The following FASTKD2 variants were observed in gnomAD, a reference collection of about 807,000 sequenced individuals.
The protein encoded by FASTKD2 is FAST kinase domain-containing protein 2, mitochondrial.
In FASTKD2, 51 loss-of-function variants were observed where a neutral mutation model predicts 63.6. That is an observed-to-expected ratio of 0.80 (90% CI 0.64 to 1.01). The LOEUF (loss-of-function observed/expected upper bound fraction) is 1.01, where lower values mean the gene tolerates loss of function less well. Among genes scored for constraint, FASTKD2 ranks in the 50% least tolerant of loss-of-function variants. The pLI is 0.00. For missense variants in FASTKD2, 786 were observed against 831.1 expected, an observed-to-expected ratio of 0.95 and a Z score of 0.67; for synonymous variants, 284 against 293.4, an observed-to-expected ratio of 0.97 and a Z score of 0.33.
rs780966510 is a variant in FASTKD2 at position 206,774,222 on chromosome 2, A to C, written c.1255-3A>C. The C allele has an allele frequency of 3.7e-6, 6 of 1,601,600 alleles. No individual in the cohort carries two copies. In the East Asian group the frequency reaches 1.3e-4, roughly 36 times the overall value. On this transcript the variant is annotated splice_polypyrimidine_tract_variant and splice_region_variant and intron_variant, in intron 6 of 11. Transcript: ENST00000402774. The stretch of plus-strand genomic sequence containing the variant: ...AGTTTTCCCTCAATTTTCTCTTTTT[A>C]AGGTTCTTTTTATCCTCATTTTATT...
chr2:206,782,740 T>C (rs536822779), intron 7 of FASTKD2, among the ~76,000 whole-genome samples: 1 of 152,364 alleles, frequency 6.6e-6, no homozygotes, highest in East Asian at 1.9e-4. Context: ...GCTTGACTTT[T>C]GGCAAATTAC....
rs535825425 is a variant in FASTKD2, at chr2:206,777,792, G to A, written c.1427+3395G>A. On this transcript the variant is annotated intron_variant, in intron 7 of 11. Coordinates refer to ENST00000402774, the MANE Select transcript of FASTKD2 (RefSeq NM_001136193.2). The stretch of plus-strand genomic sequence containing the variant: ...CTATCTAGTCCTGGCCTTTTTCATT[G>A]TTGGGAAGTTTTTGATTACTGATTA... Among the ~76,000 whole-genome samples the A allele has an allele frequency of 2.3e-3, 348 of 152,250 alleles. 2 individuals are homozygous for A. Among genetic ancestry groups the A allele is most frequent in the African/African-American group, 7.9e-3 (328 of 41,550 alleles).
chr2:206,773,205 C>G (rs942325289), intron 6 of FASTKD2, among the ~76,000 whole-genome samples: 1 of 150,154 alleles, frequency 6.7e-6, no homozygotes, highest in Admixed American at 6.7e-5. Context: ...ATCCCAGCTA[C>G]TAGGGGGGCT....
At chr2:206,772,414 G>A in intron 6 of FASTKD2, 94 bp downstream of exon 6, 1 of 1,228,622 alleles carries the variant, frequency 8.1e-7, no homozygotes. Context: ...CTTTATAGTA[G>A]TTAAGATACC....
chr2:206,771,711 C>G (rs1390335210), intron 4 of FASTKD2, among the ~76,000 whole-genome samples, 183 bp from the exon 5 acceptor site: 1 of 149,788 alleles, frequency 6.7e-6, no homozygotes, highest in Admixed American at 6.7e-5. Context: ...GTGGTACATG[C>G]CTGTAGGTGG....
rs561415345 is a variant in FASTKD2 at position 206,777,584 on chromosome 2, G to A, written c.1427+3187G>A. On this transcript the variant is annotated intron_variant, in intron 7 of 11. Coordinates refer to ENST00000402774, the MANE Select transcript of FASTKD2 (RefSeq NM_001136193.2). ...TATTTTGTTGAGGATTTTTACATCT[G>A]TGTTCATCAGGGATATTGGCCTGTA... is the stretch of plus-strand genomic sequence containing the variant. Among the ~76,000 whole-genome samples the A allele has an allele frequency of 5.3e-5, 8 of 152,186 alleles. No homozygotes were observed. The South Asian group carries it at 1.7e-3, about 32-fold the overall frequency.
rs1428574787 is a variant in FASTKD2, at chr2:206,786,873, ACAT to A, written c.1574_1576del (p.Ile525del). 5 of 1,613,706 alleles carry A rather than the reference ACAT, an allele frequency of 3.1e-6. No individual in the cohort carries two copies. The highest frequency in any genetic ancestry group is 4.2e-6 in the Non-Finnish European group (5 of 1,179,766). ...CCTTTTAATCAGCTTCTGCAAAAAG[ACAT>A]CATCAGTGAGCTGCTGACATCAGGT... is the stretch of plus-strand genomic sequence containing the variant. On this transcript the variant is annotated inframe_deletion, in exon 8 of 12. Coordinates refer to ENST00000402774, the MANE Select transcript of FASTKD2 (RefSeq NM_001136193.2).
rs182485101 is a variant in FASTKD2 at position 206,771,126 on chromosome 2, T to C, written c.882-56T>C. 12 of 1,110,504 alleles carry C rather than the reference T, an allele frequency of 1.1e-5. No individual in the cohort carries two copies. The East Asian group carries it at 2.7e-4, about 25-fold the overall frequency. The allele number at this position is 1,110,504 out of a possible 1,614,324, so 68.8% of individuals were successfully genotyped here. A position where few individuals can be genotyped will look rare whatever the true frequency, so the allele number is the denominator to read the frequency against. The stretch of plus-strand genomic sequence containing the variant: ...GGCTGGACCAAATGAAATTTTAAGA[T>C]TTTTCTTCTGCTTTGAAGATTCTAT... On this transcript the variant is annotated intron_variant, in intron 3 of 11. Transcript: ENST00000402774.
chr2:206,771,398 G>A, intron 4 of FASTKD2, 108 bp downstream of exon 4: 1 of 721,366 alleles, frequency 1.4e-6, no homozygotes. Context: ...TGGGCTTTTA[G>A]GTTTAGCTTC....
rs189114464 is a variant in FASTKD2, at chr2:206,773,829, T to C, written c.1255-396T>C. 4.0e-3 allele frequency among the ~76,000 whole-genome samples: 613 copies of C among 152,292 alleles called. 4 individuals are homozygous for C. Among genetic ancestry groups the C allele is most frequent in the African/African-American group, 0.014 (598 of 41,568 alleles). Reference sequence around the variant, plus strand: ...GTCTTACATGTTAGAATCTAGGAAGTATTTAAGTTTGGGAATGCGAGAAGT... The same window carrying C: ...GTCTTACATGTTAGAATCTAGGAAGCATTTAAGTTTGGGAATGCGAGAAGT... On this transcript the variant is annotated intron_variant, in intron 6 of 11. Coordinates refer to ENST00000402774, the MANE Select transcript of FASTKD2 (RefSeq NM_001136193.2).
At chr2:206,773,697 T>C (rs1689748194) in intron 6 of FASTKD2, among the ~76,000 whole-genome samples, 2 of 152,138 alleles carry the variant, frequency 1.3e-5, no homozygotes, top group African/African-American at 4.8e-5. Flanking sequence ...GTAAGAAAGA[T>C]TGAGAAGGAA....
chr2:206,778,025 A>AT (rs1200861338), intron 7 of FASTKD2, among the ~76,000 whole-genome samples: 1 of 151,694 alleles, frequency 6.6e-6, no homozygotes, highest in Non-Finnish European at 1.5e-5. Flanking sequence ...TTCGTCTCTT[A>AT]TTTATTTGAA....
intron 6 of FASTKD2, 41 bp from the exon 7 acceptor site, chr2:206,774,184 G>C (rs750841764): frequency 5.0e-6 from 7 of 1,413,690 alleles, no homozygotes; most frequent in Admixed American, 1.8e-5. Context: ...TTAGCATACT[G>C]TAATTATTAT....
chr2:206,788,062 A>G lies in FASTKD2; in HGVS notation c.1720A>G (p.Thr574Ala), dbSNP rs772391524. 8.1e-6 allele frequency: 13 copies of G among 1,613,888 alleles called. No homozygotes were observed. Among genetic ancestry groups the G allele is most frequent in the Non-Finnish European group, 1.1e-5 (13 of 1,179,842 alleles). Residue 574 changes from threonine (T) to alanine (A), a missense_variant, in exon 9 of 12, where the codon ACA (threonine) becomes GCA (alanine). By Grantham distance (58) the Thr-to-Ala change is moderately conservative. Coordinates refer to ENST00000402774, the MANE Select transcript of FASTKD2 (RefSeq NM_001136193.2). The stretch of plus-strand genomic sequence containing the variant: ...GCCGCGGGAGCTGCCATCGTCACAT[A>G]CAAATGCAAAGGTGGCAGAGGTGCT... The part of the protein sequence containing the change: ...QLPRELPSSH[T>A]NAKVAEVLSS...
chr2:206,786,705 G>T (rs1455155028), intron 7 of FASTKD2, 28 bp from the exon 8 acceptor site: 1 of 1,608,628 alleles, frequency 6.2e-7, no homozygotes, highest in Non-Finnish European at 8.5e-7. Context: ...TGTATATGTT[G>T]GGAAACTGAC....
At position 206,790,584 on chromosome 2, in the gene FASTKD2, A is replaced by G. The variant is rs765047532; in HGVS notation, c.1911A>G (p.Leu637=). ...SATDIQRVAV[L]CVSRSAYCLG... ...TTTTTGTTTTCAGAGTAGCTGTGCT[A>G]TGTGTTTCCAGATCTGCTTATTGTT... The change falls in exon 11 of 12, where the codon CTA becomes CTG. Residue 637 remains leucine, a synonymous_variant. Transcript: ENST00000402774. 2.6e-5 allele frequency: 41 copies of G among 1,596,640 alleles called. No individual in the cohort carries two copies. Among genetic ancestry groups the G allele is most frequent in the Middle Eastern group, 1.7e-4 (1 of 6,050 alleles).
In FASTKD2 at chr2:206,794,551, T is replaced by C. The variant is rs1342867584; in HGVS notation, c.*2749T>C. On this transcript the variant is annotated 3_prime_UTR_variant, in exon 12 of 12. Transcript: ENST00000402774. ...CAGGCTACTGTGCCCAGCTCAATTCTTGATTGAGACATTTACCAGCTCTCC... is the reference window on the plus strand; with the variant it reads ...CAGGCTACTGTGCCCAGCTCAATTCCTGATTGAGACATTTACCAGCTCTCC... Among the ~76,000 whole-genome samples the C allele has an allele frequency of 6.6e-6, 1 of 152,162 alleles. No homozygotes were observed. Among genetic ancestry groups the C allele is most frequent in the East Asian group, 1.9e-4 (1 of 5,196 alleles).
At chr2:206,768,006 G>A (rs1373773516) in intron 2 of FASTKD2, among the ~76,000 whole-genome samples, 1 of 152,188 alleles carries the variant, frequency 6.6e-6, no homozygotes. Context: ...TTGAGTGGGT[G>A]GGAACAAGTT....
chr2:206,776,074 TA>T (rs1431997302), intron 7 of FASTKD2, among the ~76,000 whole-genome samples: 1 of 151,552 alleles, frequency 6.6e-6, no homozygotes, highest in Non-Finnish European at 1.5e-5. Context: ...TTTTAAATCA[TA>T]TTATTATTTT....
Sources: allele counts gnomAD v4.1 joint callset (sites outside exome capture counted in the v4.1 genomes callset), GRCh38; gene constraint gnomAD v4.1.1; transcripts MANE v1.5; gene names NCBI Gene and HGNC (gene_info 2026-07-23, HGNC 2026-07-21).